Variants in EPS15L1 observed in about 807,000 individuals in gnomAD.
The protein encoded by EPS15L1 is epidermal growth factor receptor substrate 15-like 1.
EPS15L1 carries 43 observed loss-of-function variants against 117.1 expected under a neutral mutation model. That is an observed-to-expected ratio of 0.37 (90% confidence interval 0.29 to 0.47). The LOEUF is 0.47. Among genes scored for constraint, EPS15L1 ranks in the 20% least tolerant of loss-of-function variants. The pLI, the probability that EPS15L1 is intolerant of heterozygous loss-of-function variation, is 0.99. For synonymous variants in EPS15L1, 459 were observed against 470.5 expected (o/e 0.98, Z 0.32); for missense variants, 981 against 1,164.0 (o/e 0.84, Z 2.29).
chr19:16,421,839 C>T (rs759752925), intron 9 of EPS15L1, among the ~76,000 whole-genome samples: 103 of 152,236 alleles, frequency 6.8e-4, no homozygotes, highest in Non-Finnish European at 1.1e-3. Context: ...TTGGAAGGAC[C>T]GTCCCTGGAG....
chr19:16,446,296 G>A (rs769252960), intron 1 of EPS15L1, among the ~76,000 whole-genome samples: 17 of 152,112 alleles, frequency 1.1e-4, no homozygotes, highest in Admixed American at 3.3e-4. Context: ...TCTGATCCCC[G>A]CACGTGGCCG....
intron 1 of EPS15L1, among the ~76,000 whole-genome samples, chr19:16,463,972 G>T (rs2093277036): frequency 6.6e-6 from 1 of 152,216 alleles, no homozygotes; most frequent in Admixed American, 6.5e-5. Flanking sequence ...AGAAAGAGGG[G>T]CCAGGGGGCC....
At chr19:16,391,882 G>GT (rs1364009352) in intron 19 of EPS15L1, among the ~76,000 whole-genome samples, 1 of 152,080 alleles carries the variant, frequency 6.6e-6, no homozygotes, top group Non-Finnish European at 1.5e-5. Flanking sequence ...CACCAGTGCT[G>GT]TGTGTTACAA....
chr19:16,470,258 G>T (rs2093336925), intron 1 of EPS15L1, among the ~76,000 whole-genome samples: 1 of 152,010 alleles, frequency 6.6e-6, no homozygotes, highest in Non-Finnish European at 1.5e-5. Context: ...GTGGTAGCAC[G>T]TGCCTGTAGT....
At chr19:16,355,988 C>T (rs1238884294) in intron 23 of EPS15L1, 137 bp from the exon 24 acceptor site, 2 of 1,108,772 alleles carry the variant, frequency 1.8e-6, no homozygotes, top group African/African-American at 3.1e-5. Context: ...AGGGGATAAG[C>T]ATGTCTTGGC....
intron 12 of EPS15L1, among the ~76,000 whole-genome samples, chr19:16,415,819 C>T (rs1377601597): frequency 6.6e-6 from 1 of 152,236 alleles, no homozygotes; most frequent in Non-Finnish European, 1.5e-5. Flanking sequence ...GACCCTTGCA[C>T]GACAGGGGCT....
At chr19:16,387,744 C>T (rs1011410691) in intron 19 of EPS15L1, among the ~76,000 whole-genome samples, 9 of 151,896 alleles carry the variant, frequency 5.9e-5, no homozygotes, top group Admixed American at 2.0e-4. Flanking sequence ...CCAGCCTGGG[C>T]GAAAGAGCGA....
At chr19:16,413,080 C>T (rs1186345294) in intron 13 of EPS15L1, 3 of 691,588 alleles carry the variant, frequency 4.3e-6, no homozygotes, top group Non-Finnish European at 7.9e-6. Flanking sequence ...GCGTTTGTTG[C>T]TATCGGGGAC....
At chr19:16,431,986 T>C (rs1340862966) in intron 7 of EPS15L1, among the ~76,000 whole-genome samples, 1 of 152,136 alleles carries the variant, frequency 6.6e-6, no homozygotes, top group Non-Finnish European at 1.5e-5. Context: ...AACCCGAATA[T>C]ACAGAGGGCC....
chr19:16,376,271 C>G (rs1310146881), intron 22 of EPS15L1, among the ~76,000 whole-genome samples: 1 of 152,216 alleles, frequency 6.6e-6, no homozygotes, highest in East Asian at 1.9e-4. Context: ...ATGGAACAGG[C>G]AATGACCGGG....
At chr19:16,468,039 A>G (rs2145210938) in intron 1 of EPS15L1, among the ~76,000 whole-genome samples, 1 of 152,294 alleles carries the variant, frequency 6.6e-6, no homozygotes, top group Non-Finnish European at 1.5e-5. Context: ...GGCCCAGGGC[A>G]GTCTCTCCTC....
rs866977013 is a variant in EPS15L1 at position 16,383,541 on chromosome 19, G to A, written c.2247+1588C>T. The A allele has an allele frequency of 3.3e-5, 5 of 152,356 alleles. No individual in the cohort carries two copies. Among genetic ancestry groups the A allele is most frequent in the African/African-American group, 7.2e-5 (3 of 41,564 alleles). The allele number at this position is 152,356 out of a possible 1,614,324, so 9.4% of individuals were successfully genotyped here. A position where few individuals can be genotyped will look rare whatever the true frequency, so the allele number is the denominator to read the frequency against. On this transcript the variant is annotated intron_variant, in intron 21 of 23. Transcript: ENST00000455140. The surrounding 1 kb of genome is among the most constrained non-coding windows in gnomAD (Gnocchi z 5.2). ...CTAAATCTTCTGCCAGTCCCAAACC[G>A]TGTCACAGCGTGGCATATGAGGGAT... is the stretch of plus-strand genomic sequence containing the variant.
chr19:16,445,272 G>A (rs1346545526), intron 1 of EPS15L1, among the ~76,000 whole-genome samples: 3 of 152,062 alleles, frequency 2.0e-5, no homozygotes, highest in South Asian at 2.1e-4. Flanking sequence ...AGGCTCATCC[G>A]GCTCGAACAC....
At chr19:16,390,296 G>A (rs928252566) in intron 19 of EPS15L1, among the ~76,000 whole-genome samples, 1 of 152,162 alleles carries the variant, frequency 6.6e-6, no homozygotes, top group Non-Finnish European at 1.5e-5. Flanking sequence ...TAAAAAGGTT[G>A]TTGTGTCAGA....
rs532022916 is a variant in EPS15L1, at chr19:16,393,806, T to C, written c.1966+145A>G. On this transcript the variant is annotated intron_variant, in intron 18 of 23. Coordinates refer to ENST00000455140, the MANE Select transcript of EPS15L1 (RefSeq NM_001258374.3). ...CTCCAGAAGGGAACGGGACCGAGAA[T>C]GGGTACAACATGGATGGACGGCCGT... is the stretch of plus-strand genomic sequence containing the variant. 3,468 of 800,798 alleles carry C rather than the reference T, an allele frequency of 4.3e-3. 16 individuals are homozygous for C. Among genetic ancestry groups the C allele is most frequent in the Non-Finnish European group, 6.3e-3 (2,999 of 473,694 alleles). The allele number at this position is 800,798 out of a possible 1,614,324, so 49.6% of individuals were successfully genotyped here.
At chr19:16,402,600 G>A (rs965695765) in intron 15 of EPS15L1, 115 bp from the exon 16 acceptor site, 75 of 1,015,312 alleles carry the variant, frequency 7.4e-5, no homozygotes, top group Admixed American at 2.8e-4. Context: ...GGAATGTAGT[G>A]GAGTGATCAT....
rs542026809 is a variant in EPS15L1, at chr19:16,471,470, G to A, written c.33+443C>T. On this transcript the variant is annotated intron_variant, in intron 1 of 23. Transcript: ENST00000455140. This position sits in a 1 kb window ranked among gnomAD's most constrained non-coding sequence, Gnocchi z 4.8. ...GGAGGCAGGGGATCAGTCTGAGATC[G>A]CACTGCTGCTGACGGGTCCGGGCTC... is the stretch of plus-strand genomic sequence containing the variant. 2.8e-4 allele frequency among the ~76,000 whole-genome samples: 42 copies of A among 152,330 alleles called. No homozygotes were observed. Among genetic ancestry groups the A allele is most frequent in the Middle Eastern group, 3.4e-3 (1 of 294 alleles).
chr19:16,363,602 C>T (rs926820693), intron 22 of EPS15L1, among the ~76,000 whole-genome samples: 2 of 152,230 alleles, frequency 1.3e-5, no homozygotes, highest in African/African-American at 4.8e-5. Context: ...AGCTCTGGGC[C>T]TCGGCAAGGG....
At chr19:16,410,962 T>C (rs574218929) in intron 13 of EPS15L1, among the ~76,000 whole-genome samples, 37 of 152,134 alleles carry the variant, frequency 2.4e-4, no homozygotes, top group African/African-American at 8.9e-4. Flanking sequence ...TATTCTGCCA[T>C]AAAAAGGAAT....
Sources: gnomAD v4.1 joint callset for allele counts (sites outside exome capture counted in the v4.1 genomes callset) on GRCh38, gnomAD v4.1.1 for gene constraint, Gnocchi (gnomAD v3.1) non-coding constraint, MANE v1.5 for transcripts, NCBI Gene and HGNC (gene_info 2026-07-23, HGNC 2026-07-21) for gene names.